RASGRF2: variants seen among roughly 807,000 people sequenced by gnomAD.
RASGRF2 encodes Ras protein specific guanine nucleotide releasing factor 2.
A neutral mutation model predicts 151.0 loss-of-function variants in RASGRF2; 76 were observed. That is an observed-to-expected ratio of 0.50 (90% CI 0.42 to 0.61). The LOEUF (loss-of-function observed/expected upper bound fraction) is 0.61. Ranked by LOEUF, RASGRF2 falls within the 20% of genes least tolerant of loss-of-function variation. The pLI is 0.00. For missense variants in RASGRF2, 1,148 were observed against 1,564.6 expected (o/e 0.73, Z 4.49); for synonymous variants, 504 against 566.5 (o/e 0.89, Z 1.57).
At chr5:81,175,051 A>C (rs988604493) in intron 17 of RASGRF2, among the ~76,000 whole-genome samples, 2 of 152,238 alleles carry the variant, frequency 1.3e-5, no homozygotes, top group African/African-American at 4.8e-5. Flanking sequence ...CTAGTTTTAG[A>C]AATGGACAGA....
At chr5:81,080,446 C>T (rs1561597510) in intron 6 of RASGRF2, 150 bp from the exon 7 acceptor site, 4 of 1,033,614 alleles carry the variant, frequency 3.9e-6, no homozygotes, top group Admixed American at 5.3e-5. Context: ...CCCATGAGTG[C>T]ATTCTACCAG....
chr5:81,186,030 T>C (rs1755018265), intron 18 of RASGRF2, among the ~76,000 whole-genome samples: 1 of 152,188 alleles, frequency 6.6e-6, no homozygotes, highest in African/African-American at 2.4e-5. Context: ...TAGGGTCCCT[T>C]GGGAGAGCAA....
intron 1 of RASGRF2, among the ~76,000 whole-genome samples, chr5:81,036,227 G>A (rs1035429799): frequency 1.3e-5 from 2 of 151,912 alleles, no homozygotes; most frequent in East Asian, 3.9e-4. Flanking sequence ...TATTTCTTGG[G>A]TTATGAATTT....
At chr5:81,011,332 A>G (rs755768074) in intron 1 of RASGRF2, among the ~76,000 whole-genome samples, 5 of 152,116 alleles carry the variant, frequency 3.3e-5, no homozygotes, top group Non-Finnish European at 7.4e-5. Context: ...TTATTTAGCT[A>G]TCGCTTTATT....
intron 1 of RASGRF2, among the ~76,000 whole-genome samples, chr5:81,026,828 A>G (rs1007677552): frequency 4.6e-5 from 7 of 152,214 alleles, no homozygotes; most frequent in African/African-American, 1.4e-4. Context: ...TCCTAATACA[A>G]TGTTTTATCA....
In RASGRF2 at chr5:81,160,717, A is replaced by ATAG. The variant is rs1554038903; in HGVS notation, c.2687-19456_2687-19455insGTA. Among the ~76,000 whole-genome samples, 10 of 149,510 alleles carry ATAG rather than the reference A, an allele frequency of 6.7e-5. No homozygotes were observed. The South Asian group carries it at 1.1e-3, about 16-fold the overall frequency. On this transcript the variant is annotated intron_variant, in intron 17 of 26. Coordinates refer to ENST00000265080, the MANE Select transcript of RASGRF2 (RefSeq NM_006909.3). ...AATAATAATAATAATAATAATAATA[A>ATAG]TAAGTCAACCAGGTATGGTGGCATG... is the stretch of plus-strand genomic sequence containing the variant.
At chr5:81,205,790 G>A (rs779001804) in intron 19 of RASGRF2, among the ~76,000 whole-genome samples, 1 of 151,774 alleles carries the variant, frequency 6.6e-6, no homozygotes, top group East Asian at 1.9e-4. Context: ...TTGCTCTGTC[G>A]CCCAGGCTGG....
At chr5:81,223,416 C>A (rs367973903) in intron 26 of RASGRF2, 1 of 151,762 alleles carries the variant, frequency 6.6e-6, no homozygotes, top group Non-Finnish European at 1.5e-5. Flanking sequence ...CCGAGGCGGG[C>A]GGATCACAAG....
chr5:81,167,327 C>T (rs144897346), intron 17 of RASGRF2, among the ~76,000 whole-genome samples: 1 of 152,282 alleles, frequency 6.6e-6, no homozygotes, highest in East Asian at 1.9e-4. Context: ...CAAGACGTAG[C>T]TATTGTTTCT....
At chr5:81,092,983 T>C in intron 10 of RASGRF2, 22 bp downstream of exon 10, 1 of 1,579,326 alleles carries the variant, frequency 6.3e-7, no homozygotes, top group Non-Finnish European at 8.6e-7. Context: ...CCATAACTGT[T>C]CCATTTATCT....
intron 2 of RASGRF2, among the ~76,000 whole-genome samples, chr5:81,060,867 C>T (rs1751409440): frequency 6.6e-6 from 1 of 152,100 alleles, no homozygotes; most frequent in Admixed American, 6.6e-5. Context: ...CCCATAATTG[C>T]TCCAGCCAAA....
At chr5:81,193,807 C>G (rs544553534) in intron 18 of RASGRF2, among the ~76,000 whole-genome samples, 2 of 151,302 alleles carry the variant, frequency 1.3e-5, no homozygotes, top group East Asian at 3.8e-4. Flanking sequence ...CATGAGCTAC[C>G]GTGCCCAGCT....
intron 2 of RASGRF2, among the ~76,000 whole-genome samples, chr5:81,043,952 T>C (rs1750756987): frequency 6.6e-6 from 1 of 152,264 alleles, no homozygotes; most frequent in Admixed American, 6.5e-5. Flanking sequence ...TTAGCAATTC[T>C]GGTTATCATT....
intron 2 of RASGRF2, among the ~76,000 whole-genome samples, chr5:81,055,035 A>G (rs577487883): frequency 6.6e-6 from 1 of 152,280 alleles, no homozygotes; most frequent in African/African-American, 2.4e-5. Flanking sequence ...GGCTGAGACG[A>G]TGGGGTTTTC....
intron 1 of RASGRF2, among the ~76,000 whole-genome samples, chr5:81,034,008 C>G (rs1158980320): frequency 6.6e-6 from 1 of 152,160 alleles, no homozygotes; most frequent in Non-Finnish European, 1.5e-5. Context: ...AGACACTTCT[C>G]AAAAGAAGAC....
chr5:81,072,672 G>A (rs1251982575), intron 4 of RASGRF2, among the ~76,000 whole-genome samples: 7 of 151,904 alleles, frequency 4.6e-5, no homozygotes, highest in Non-Finnish European at 1.0e-4. Flanking sequence ...AAGCAGTCTG[G>A]TAACACGAGA....
chr5:81,227,496 T>C lies in RASGRF2; in HGVS notation c.*1726T>C, dbSNP rs113923304. 2 of 152,222 alleles carry C rather than the reference T, an allele frequency of 1.3e-5. No homozygotes were observed. The highest frequency in any genetic ancestry group is 4.8e-5 in the African/African-American group (2 of 41,458). The allele number at this position is 152,222 out of a possible 1,614,324, so 9.4% of individuals were successfully genotyped here. A position where few individuals can be genotyped will look rare whatever the true frequency, so the allele number is the denominator to read the frequency against. On this transcript the variant is annotated 3_prime_UTR_variant, in exon 27 of 27. Coordinates refer to ENST00000265080, the MANE Select transcript of RASGRF2 (RefSeq NM_006909.3). ...TTTTTCTTTTTTAAAGTTGCTTGTT[T>C]GTTCTCTTTAGTTTCAAATAAGAGG...
intron 17 of RASGRF2, among the ~76,000 whole-genome samples, chr5:81,135,671 C>T (rs1753736532): frequency 6.6e-6 from 1 of 152,030 alleles, no homozygotes; most frequent in African/African-American, 2.4e-5. Flanking sequence ...TTTTATTTAT[C>T]CATTCATGAG....
At chr5:81,201,466 C>T in intron 19 of RASGRF2, 24 bp downstream of exon 19, 3 of 1,602,496 alleles carry the variant, frequency 1.9e-6, no homozygotes, top group Non-Finnish European at 2.6e-6. Flanking sequence ...AAGATGCCGA[C>T]TGGATGACAT....
Sources: allele counts gnomAD v4.1 joint callset (sites outside exome capture counted in the v4.1 genomes callset), GRCh38; gene constraint gnomAD v4.1.1; transcripts MANE v1.5; gene names NCBI Gene and HGNC (gene_info 2026-07-23, HGNC 2026-07-21).